MLLT1: variants seen among roughly 807,000 people sequenced by gnomAD.
MLLT1 encodes the protein MLLT1 super elongation complex subunit, also known as protein ENL.
Under a neutral mutation model 55.1 loss-of-function variants are expected in MLLT1, and 11 were observed. The observed-to-expected ratio is 0.20, with a 90% CI of 0.13 to 0.33. The LOEUF (loss-of-function observed/expected upper bound fraction) is 0.33, where lower values mean the gene tolerates loss of function less well. Among genes scored for constraint, MLLT1 ranks in the 10% least tolerant of loss-of-function variants. The probability of loss-of-function intolerance (pLI) is 1.00; values close to 1 mark genes in which losing one functional copy is unlikely to be tolerated. For missense variants in MLLT1, 536 were observed against 760.6 expected (o/e 0.70, Z 3.47); for synonymous variants, 323 against 320.1 (o/e 1.01, Z -0.10).
At chr19:6,257,740 G>A (rs1175111471) in intron 3 of MLLT1, among the ~76,000 whole-genome samples, 2 of 151,560 alleles carry the variant, frequency 1.3e-5, no homozygotes, top group Non-Finnish European at 2.9e-5. Flanking sequence ...GGCAGAGGTT[G>A]TAGTGAGCCG....
Position 6,211,559 on chromosome 19 carries a change from G to A in MLLT1, c.*1483C>T. 1.1e-5 allele frequency: 12 copies of A among 1,045,806 alleles called. No homozygotes were observed. The highest frequency in any genetic ancestry group is 1.4e-5 in the Non-Finnish European group (12 of 861,028). 64.8% of individuals were successfully genotyped at this position (1,045,806 alleles called of 1,614,324 possible). On this transcript the variant is annotated 3_prime_UTR_variant, in exon 12 of 12. Transcript: ENST00000252674. This position sits in a 1 kb window ranked among gnomAD's most constrained non-coding sequence, Gnocchi z 4.6. ...TCTGAACTCATAGGCTGGGGAGGAG[G>A]AGACATCTAGGTGGGTTCGAGGGGG...
intron 2 of MLLT1, among the ~76,000 whole-genome samples, chr19:6,265,463 G>A (rs1187328060): frequency 6.6e-6 from 1 of 152,172 alleles, no homozygotes; most frequent in Non-Finnish European, 1.5e-5. Context: ...CTGAAGTCAG[G>A]AGTTCAAGAC....
intron 3 of MLLT1, among the ~76,000 whole-genome samples, chr19:6,258,667 C>T (rs144349610): frequency 3.0e-3 from 450 of 152,298 alleles, no homozygotes; most frequent in South Asian, 6.9e-3. Context: ...ATTATACAGG[C>T]GATGCCATAT....
At chr19:6,241,463 G>C (rs1439040075) in intron 3 of MLLT1, among the ~76,000 whole-genome samples, 1 of 147,040 alleles carries the variant, frequency 6.8e-6, no homozygotes, top group Non-Finnish European at 1.5e-5. Context: ...ATTTTATCAG[G>C]TACATGCCGA....
chr19:6,278,667 G>A (rs746421913), intron 1 of MLLT1, among the ~76,000 whole-genome samples: 6 of 152,178 alleles, frequency 3.9e-5, no homozygotes, highest in Non-Finnish European at 7.3e-5. Flanking sequence ...CTGGGGTCAA[G>A]TGTGGGGAAG....
intron 2 of MLLT1, among the ~76,000 whole-genome samples, chr19:6,267,350 C>A (rs113410119): frequency 6.6e-6 from 1 of 151,438 alleles, no homozygotes; most frequent in Non-Finnish European, 1.5e-5. Context: ...GTGATCCACC[C>A]GTCTCGGCCT....
chr19:6,233,683 G>A (rs976177659), intron 3 of MLLT1, among the ~76,000 whole-genome samples: 25 of 152,264 alleles, frequency 1.6e-4, no homozygotes, highest in African/African-American at 5.3e-4. Context: ...AGGACTATGT[G>A]GAGGGATGCC....
At position 6,211,773 on chromosome 19, in the gene MLLT1, C is replaced by T. The variant is rs747137800; in HGVS notation, c.*1269G>A. The T allele has an allele frequency of 2.0e-5, 21 of 1,064,080 alleles. No homozygotes were observed. Among genetic ancestry groups the T allele is most frequent in the Non-Finnish European group, 2.3e-5 (20 of 878,464 alleles). 65.9% of individuals were successfully genotyped at this position (1,064,080 alleles called of 1,614,324 possible). A position where few individuals can be genotyped will look rare whatever the true frequency, so the allele number is the denominator to read the frequency against. ...CCCCAGCCACGATGGGCTGGCTCCG[C>T]GGGAGCGTCCTGGCCCTGGAAGAGT... On this transcript the variant is annotated 3_prime_UTR_variant, in exon 12 of 12. Transcript: ENST00000252674. This position sits in a 1 kb window ranked among gnomAD's most constrained non-coding sequence, Gnocchi z 4.6.
intron 2 of MLLT1, among the ~76,000 whole-genome samples, chr19:6,267,141 G>A (rs565290188): frequency 6.6e-6 from 1 of 151,356 alleles, no homozygotes; most frequent in South Asian, 2.1e-4. Context: ...TCGCTCTGTC[G>A]CCCAGGCCGG....
At chr19:6,232,918 C>T (rs1382515658) in intron 3 of MLLT1, among the ~76,000 whole-genome samples, 2 of 152,196 alleles carry the variant, frequency 1.3e-5, no homozygotes, top group Non-Finnish European at 2.9e-5. Flanking sequence ...AGAGGATGGG[C>T]GTCCCGTGAA....
Position 6,222,497 on chromosome 19 carries a change from G to T in MLLT1, c.734C>A (p.Pro245Gln). 1 of 1,597,636 alleles carries T rather than the reference G, an allele frequency of 6.3e-7. No individual in the cohort carries two copies. Among genetic ancestry groups the T allele is most frequent in the South Asian group, 1.1e-5 (1 of 90,868 alleles). Residue 245 changes from proline to glutamine, a missense_variant, in exon 6 of 12, where the codon CCA (proline) becomes CAA (glutamine). Coordinates refer to ENST00000252674, the MANE Select transcript of MLLT1 (RefSeq NM_005934.4). The surrounding 1 kb of genome is among the most constrained non-coding windows in gnomAD (Gnocchi z 4.1). ...TTCCTTGAAGGCAGCCTTGGGCGGT[G>T]GCGCCTTCTCCTCCTTGGGCAGCCG... ...EGRLPKEEKA[P>Q]PPKAAFKEPK... is the part of the protein sequence containing the mutation.
intron 8 of MLLT1, among the ~76,000 whole-genome samples, chr19:6,215,657 A>G (rs2090835176): frequency 1.3e-5 from 2 of 152,308 alleles, no homozygotes; most frequent in Admixed American, 1.3e-4. Flanking sequence ...TGCTGGGTGC[A>G]GGGTGATAAC....
intron 2 of MLLT1, among the ~76,000 whole-genome samples, chr19:6,267,089 CA>C (rs2091354865): frequency 6.6e-6 from 1 of 152,012 alleles, no homozygotes; most frequent in Non-Finnish European, 1.5e-5. Flanking sequence ...AACACAGCGA[CA>C]CCCCCATCTC....
Position 6,222,609 on chromosome 19 carries a change from C to T in MLLT1, c.622G>A (p.Asp208Asn). ...TTGGAGGAGCTCTTGCTCTCGGAGTCTTTGCGGGGCCGCTCCCGGTGCTCC... is the reference window on the plus strand; with the variant it reads ...TTGGAGGAGCTCTTGCTCTCGGAGTTTTTGCGGGGCCGCTCCCGGTGCTCC... ...TKEHRERPRK[D>N]SESKSSSKEL... The change falls in exon 6 of 12, where the codon GAC (aspartate) becomes AAC (asparagine). Residue 208 changes from aspartate to asparagine, a missense_variant. Asp to Asn is a conservative substitution (Grantham distance 23, BLOSUM62 1). Transcript: ENST00000252674. The surrounding 1 kb of genome is among the most constrained non-coding windows in gnomAD (Gnocchi z 4.1). 1 of 1,595,290 alleles carries T rather than the reference C, an allele frequency of 6.3e-7. No homozygotes were observed. The highest frequency in any genetic ancestry group is 8.5e-7 in the Non-Finnish European group (1 of 1,176,616).
In MLLT1 at chr19:6,211,560, A is replaced by C. The variant is rs2090771956; in HGVS notation, c.*1482T>G. 1.9e-6 allele frequency: 2 copies of C among 1,046,554 alleles called. No homozygotes were observed. The highest frequency in any genetic ancestry group is 1.1e-4 in the Admixed American group (2 of 18,702). 64.8% of individuals were successfully genotyped at this position (1,046,554 alleles called of 1,614,324 possible). A position where few individuals can be genotyped will look rare whatever the true frequency, so the allele number is the denominator to read the frequency against. On this transcript the variant is annotated 3_prime_UTR_variant, in exon 12 of 12. Coordinates refer to ENST00000252674, the MANE Select transcript of MLLT1 (RefSeq NM_005934.4). This position sits in a 1 kb window ranked among gnomAD's most constrained non-coding sequence, Gnocchi z 4.6. ...CTGAACTCATAGGCTGGGGAGGAGG[A>C]GACATCTAGGTGGGTTCGAGGGGGT...
chr19:6,253,408 GA>G (rs1303009276), intron 3 of MLLT1, among the ~76,000 whole-genome samples: 2 of 147,814 alleles, frequency 1.4e-5, no homozygotes, highest in Non-Finnish European at 3.0e-5. Flanking sequence ...AACATTCAAA[GA>G]ACAAACACCA....
Position 6,279,892 on chromosome 19 carries a change from G to GCCA in MLLT1, c.-109_-108insTGG. ...CCCTCATTGTCTGTCAAGCGCCGCC[G>GCCA]CCGCCGCCGCCGCCGCCGATCCCGG... On this transcript the variant is annotated 5_prime_UTR_variant, in exon 1 of 12. Coordinates refer to ENST00000252674, the MANE Select transcript of MLLT1 (RefSeq NM_005934.4). 6.1e-6 allele frequency: 1 copy of GCCA among 164,092 alleles called. No individual in the cohort carries two copies. Among genetic ancestry groups the GCCA allele is most frequent in the Non-Finnish European group, 1.2e-5 (1 of 81,102 alleles). 10.2% of individuals were successfully genotyped at this position (164,092 alleles called of 1,614,324 possible). A position where few individuals can be genotyped will look rare whatever the true frequency, so the allele number is the denominator to read the frequency against.
intron 3 of MLLT1, among the ~76,000 whole-genome samples, chr19:6,243,193 G>A (rs969515633): frequency 1.3e-5 from 2 of 152,310 alleles, no homozygotes; most frequent in Non-Finnish European, 2.9e-5. Flanking sequence ...AAGAGACCCC[G>A]AGAGCCAGTC....
chr19:6,254,249 G>A (rs911145712), intron 3 of MLLT1, among the ~76,000 whole-genome samples: 7 of 152,220 alleles, frequency 4.6e-5, no homozygotes, highest in Non-Finnish European at 8.8e-5. Flanking sequence ...AAGGGGTTCC[G>A]AGAGCTTCCA....
Sources: gnomAD v4.1 joint callset for allele counts (sites outside exome capture counted in the v4.1 genomes callset) on GRCh38, gnomAD v4.1.1 for gene constraint, Gnocchi (gnomAD v3.1) non-coding constraint, MANE v1.5 for transcripts, NCBI Gene and HGNC (gene_info 2026-07-23, HGNC 2026-07-21) for gene names.